MILR1: variants seen among roughly 807,000 people sequenced by gnomAD.
MILR1 encodes the protein allergin-1.
Under a neutral mutation model 18.5 loss-of-function variants are expected in MILR1, and 31 were observed. That is an observed-to-expected ratio of 1.68 (90% CI 1.26 to 2.26). The LOEUF is 2.26. MILR1 is among the 30% of genes most tolerant of loss of function. The pLI is 0.00. For synonymous variants in MILR1, 85 were observed against 56.2 expected, an observed-to-expected ratio of 1.51 and a Z score of -2.30; for missense variants, 257 against 157.4, an observed-to-expected ratio of 1.63 and a Z score of -3.38.
At chr17:64,467,706 G>A (rs1555663735) in intron 9 of MILR1, 61 bp downstream of exon 9, 1 of 1,025,380 alleles carries the variant, frequency 9.8e-7, no homozygotes, top group Admixed American at 2.2e-5. Context: ...GGCTGAGGCA[G>A]GTGGATTACT....
At chr17:64,455,999 G>A (rs886386016) in intron 3 of MILR1, among the ~76,000 whole-genome samples, 10 of 151,974 alleles carry the variant, frequency 6.6e-5, no homozygotes, top group Non-Finnish European at 1.3e-4. Context: ...TGAGATCGTG[G>A]CACTGCACTC....
At chr17:64,490,565 C>T in the MILR1 span, 3 of 527,738 alleles carry the variant, frequency 5.7e-6, no homozygotes, top group Non-Finnish European at 3.4e-6. Flanking sequence ...CCTATAAATG[C>T]CATTATTGAG....
the MILR1 span, chr17:64,478,036 T>C: frequency 6.3e-7 from 1 of 1,588,402 alleles, no homozygotes; most frequent in South Asian, 1.1e-5. Flanking sequence ...ATGTAAATAA[T>C]AAATTCCTCC....
chr17:64,485,884 G>C, the MILR1 span: 1 of 1,613,502 alleles, frequency 6.2e-7, no homozygotes, highest in East Asian at 2.2e-5. Flanking sequence ...CAGAAAAACA[G>C]AAGAAAAATA....
the MILR1 span, among the ~76,000 whole-genome samples, chr17:64,482,296 G>C: frequency 7.0e-6 from 1 of 142,804 alleles, no homozygotes; most frequent in African/African-American, 2.7e-5. Flanking sequence ...TAGAGACCAG[G>C]TTTTGCCATA....
chr17:64,478,073 A>G, the MILR1 span: 3 of 1,403,674 alleles, frequency 2.1e-6, no homozygotes, highest in Non-Finnish European at 3.0e-6. Context: ...TTCAGTGTTC[A>G]TGCACTCTCA....
the MILR1 span, chr17:64,480,348 A>G: frequency 1.6e-5 from 26 of 1,600,506 alleles, no homozygotes; most frequent in South Asian, 2.3e-4. Flanking sequence ...GCCACACAGA[A>G]ATCCCATTTT....
chr17:64,483,488 T>G, the MILR1 span, among the ~76,000 whole-genome samples: 2 of 147,310 alleles, frequency 1.4e-5, no homozygotes, highest in African/African-American at 2.6e-5. Flanking sequence ...CACTCTAGTC[T>G]GGGCGACAGA....
At chr17:64,497,072 G>A in the MILR1 span, 6 of 1,200,052 alleles carry the variant, frequency 5.0e-6, no homozygotes, top group Admixed American at 1.9e-5. Context: ...CAGGCGCAAC[G>A]GAGGTGAGCG....
the MILR1 span, chr17:64,491,807 C>T: frequency 6.5e-5 from 33 of 509,094 alleles, no homozygotes; most frequent in Non-Finnish European, 1.1e-4. Flanking sequence ...ATGCTCTGCA[C>T]TCCCCCAGCA....
the MILR1 span, among the ~76,000 whole-genome samples, chr17:64,475,470 G>A: frequency 2.1e-4 from 32 of 151,942 alleles, no homozygotes; most frequent in African/African-American, 7.7e-4. Context: ...CCAACATGGA[G>A]AAACCCCATC....
At chr17:64,493,785 A>G in the MILR1 span, among the ~76,000 whole-genome samples, 1 of 152,172 alleles carries the variant, frequency 6.6e-6, no homozygotes, top group African/African-American at 2.4e-5. Context: ...CGCGCCCGAC[A>G]AAGATTTTCA....
At position 64,468,636 on chromosome 17, in the gene MILR1, A is replaced by C; in HGVS notation, c.*355A>C. On this transcript the variant is annotated 3_prime_UTR_variant, in exon 10 of 10. Coordinates refer to ENST00000619286, the MANE Select transcript of MILR1 (RefSeq NM_001085423.2). ...GGGTCTCCAAGAATAAATTCATCCG[A>C]ACATGCATCCTTCTCTGAGCCTTCT... is the stretch of plus-strand genomic sequence containing the variant. 1 of 1,128,898 alleles carries C rather than the reference A, an allele frequency of 8.9e-7. No individual in the cohort carries two copies. Among genetic ancestry groups the C allele is most frequent in the Non-Finnish European group, 1.1e-6 (1 of 914,844 alleles). The allele number at this position is 1,128,898 out of a possible 1,614,324, so 69.9% of individuals were successfully genotyped here. A position where few individuals can be genotyped will look rare whatever the true frequency, so the allele number is the denominator to read the frequency against.
the MILR1 span, among the ~76,000 whole-genome samples, chr17:64,480,887 C>T: frequency 1.9e-3 from 294 of 152,258 alleles, 1 homozygote; most frequent in South Asian, 6.2e-3. Flanking sequence ...CAAGAAGAGA[C>T]TGATCAACCC....
In MILR1 at chr17:64,465,540, A is replaced by G. The variant is rs1385533444; in HGVS notation, c.852A>G (p.Ala284=). ...ATGCAAATATCCTTGAAAAACAAGC[A>G]AGTAAGAGAACTTTGTTGCGTGTTT... The part of the protein sequence containing the change: ...GIYANILEKQ[A]KEESVPEVGS... The change falls in exon 6 of 10, where the codon GCA becomes GCG. Residue 284 remains alanine, a splice_region_variant and synonymous_variant. Transcript: ENST00000619286. The G allele has an allele frequency of 6.2e-7, 1 of 1,604,148 alleles. No individual in the cohort carries two copies. Among genetic ancestry groups the G allele is most frequent in the South Asian group, 1.1e-5 (1 of 88,846 alleles).
At chr17:64,462,656 T>C (rs2037458579) in intron 5 of MILR1, among the ~76,000 whole-genome samples, 1 of 151,824 alleles carries the variant, frequency 6.6e-6, no homozygotes, top group African/African-American at 2.4e-5. Context: ...TTTTTTTTTT[T>C]TTGAAATGGA....
the MILR1 span, among the ~76,000 whole-genome samples, chr17:64,489,650 C>T: frequency 6.6e-6 from 1 of 151,952 alleles, no homozygotes; most frequent in Non-Finnish European, 1.5e-5. Context: ...GTCCTAGCTA[C>T]TTGGGAGGCT....
At chr17:64,461,239 G>GTTTA (rs1254231430) in intron 5 of MILR1, among the ~76,000 whole-genome samples, 44 of 151,962 alleles carry the variant, frequency 2.9e-4, no homozygotes, top group African/African-American at 5.8e-4. Context: ...TTTGGTATTT[G>GTTTA]TTTATTTATT....
chr17:64,466,389 T>C lies in MILR1; in HGVS notation c.854-53T>C, dbSNP rs2037560350. The C allele has an allele frequency of 2.0e-6, 3 of 1,534,510 alleles. No homozygotes were observed. In the Admixed American group the frequency reaches 5.5e-5, roughly 28 times the overall value. On this transcript the variant is annotated intron_variant, in intron 6 of 9. Transcript: ENST00000619286. ...CGCATTGCTGAGCAATTTACCGACC[T>C]TTTCTAACACAAACGCCACCAACCC...
Sources: allele counts gnomAD v4.1 joint callset (sites outside exome capture counted in the v4.1 genomes callset), GRCh38; gene constraint gnomAD v4.1.1; transcripts MANE v1.5; gene names NCBI Gene and HGNC (gene_info 2026-07-23, HGNC 2026-07-21).